GSDME: variants seen among roughly 807,000 people sequenced by gnomAD.
The protein encoded by GSDME is gasdermin E.
A neutral mutation model predicts 47.5 loss-of-function variants in GSDME; 44 were observed. The observed-to-expected ratio is 0.93, with a 90% CI of 0.73 to 1.19. The LOEUF is 1.19. Ranked by LOEUF, GSDME falls within the 50% of genes most tolerant of loss-of-function variation. GSDME has a pLI of 0.00. For missense variants in GSDME, 663 were observed against 604.2 expected (o/e 1.10, Z -1.02); for synonymous variants, 258 against 252.8 (o/e 1.02, Z -0.20).
chr7:24,709,664 C>T (rs904305017), intron 6 of GSDME, among the ~76,000 whole-genome samples: 2 of 152,120 alleles, frequency 1.3e-5, no homozygotes, highest in Admixed American at 1.3e-4. Flanking sequence ...CAAAAGAAAC[C>T]AGCTTTCTAA....
At chr7:24,775,322 T>C in the GSDME span, among the ~76,000 whole-genome samples, 1 of 152,262 alleles carries the variant, frequency 6.6e-6, no homozygotes, top group African/African-American at 2.4e-5. Context: ...TGCTAGTTAA[T>C]TTTTTGATAT....
At chr7:24,718,312 C>T (rs1789646369) in intron 4 of GSDME, among the ~76,000 whole-genome samples, 1 of 152,242 alleles carries the variant, frequency 6.6e-6, no homozygotes, top group South Asian at 2.1e-4. Flanking sequence ...TATCAGCCAC[C>T]ATGGCAAGCT....
chr7:24,752,958 T>TA (rs1194268447), intron 1 of GSDME, among the ~76,000 whole-genome samples: 7 of 150,726 alleles, frequency 4.6e-5, no homozygotes, highest in Non-Finnish European at 1.0e-4. Context: ...GATTAGACGG[T>TA]AAAAAAGAGG....
intron 5 of GSDME, 158 bp downstream of exon 5, chr7:24,717,096 C>G: frequency 1.2e-6 from 1 of 827,970 alleles, no homozygotes; most frequent in Admixed American, 2.1e-5. Flanking sequence ...CCCATGTGTC[C>G]AGGGACCATG....
At chr7:24,777,516 T>A in the GSDME span, among the ~76,000 whole-genome samples, 1 of 152,218 alleles carries the variant, frequency 6.6e-6, no homozygotes, top group African/African-American at 2.4e-5. Context: ...TGGCACATTT[T>A]GGAGCCAACC....
At chr7:24,709,001 A>G (rs999619028) in intron 6 of GSDME, among the ~76,000 whole-genome samples, 3 of 152,346 alleles carry the variant, frequency 2.0e-5, no homozygotes, top group South Asian at 2.1e-4. Context: ...AAGGTTTCGT[A>G]TGCAGGGATG....
the GSDME span, among the ~76,000 whole-genome samples, chr7:24,788,144 T>C: frequency 6.6e-6 from 1 of 152,208 alleles, no homozygotes; most frequent in Non-Finnish European, 1.5e-5. This position sits in a 1 kb window ranked among gnomAD's most constrained non-coding sequence, Gnocchi z 4.6. Flanking sequence ...CACTCAGACA[T>C]GAACTATTCT....
Position 24,699,146 on chromosome 7 carries a change from A to G in GSDME, c.1371T>C (p.Ile457=). The G allele has an allele frequency of 6.2e-7, 1 of 1,613,986 alleles. No individual in the cohort carries two copies. Among genetic ancestry groups the G allele is most frequent in the South Asian group, 1.1e-5 (1 of 91,074 alleles). Residue 457 remains isoleucine (I), a synonymous_variant, in exon 10 of 10, where the codon ATT becomes ATC. Transcript: ENST00000645220. ...CAGATGACTTCAGTCTCTCCAGACT[A>G]ATGTCAGCTGAGGCAAACAAGCGCT... ...IVQRLFASAD[I]SLERLKSSVK...
At chr7:24,715,736 T>C (rs1789528032) in intron 5 of GSDME, among the ~76,000 whole-genome samples, 1 of 152,100 alleles carries the variant, frequency 6.6e-6, no homozygotes, top group African/African-American at 2.4e-5. Flanking sequence ...GGACACAAAT[T>C]TGGAACTACG....
At chr7:24,792,287 T>A in the GSDME span, among the ~76,000 whole-genome samples, 1 of 152,210 alleles carries the variant, frequency 6.6e-6, no homozygotes, top group African/African-American at 2.4e-5. Flanking sequence ...GGGCAGTCCA[T>A]CCTTGCTCTT....
chr7:24,730,636 G>C (rs940798505), intron 3 of GSDME, among the ~76,000 whole-genome samples: 4 of 152,058 alleles, frequency 2.6e-5, no homozygotes, highest in African/African-American at 9.7e-5. Flanking sequence ...CCAATATGGT[G>C]AAACCCCGTC....
intron 3 of GSDME, among the ~76,000 whole-genome samples, chr7:24,743,788 A>G (rs1186595561): frequency 6.6e-6 from 1 of 151,800 alleles, no homozygotes; most frequent in Non-Finnish European, 1.5e-5. Flanking sequence ...TCTCCATAAC[A>G]CCTTCTCTGG....
At chr7:24,769,401 C>T in the GSDME span, among the ~76,000 whole-genome samples, 2 of 152,270 alleles carry the variant, frequency 1.3e-5, no homozygotes, top group African/African-American at 4.8e-5. Context: ...CAGCGGGAGG[C>T]GGGGAACGTA....
intron 9 of GSDME, 162 bp downstream of exon 9, chr7:24,702,598 G>A (rs1209962494): frequency 4.2e-5 from 27 of 640,726 alleles, no homozygotes; most frequent in Non-Finnish European, 1.2e-5. Context: ...CCCATGGGGT[G>A]GGATGTGTAT....
rs965485048 is a variant in GSDME at position 24,724,953 on chromosome 7, C to T, written c.405-5735G>A. Among the ~76,000 whole-genome samples the T allele has an allele frequency of 6.6e-6, 1 of 152,154 alleles. No individual in the cohort carries two copies. Among genetic ancestry groups the T allele is most frequent in the Non-Finnish European group, 1.5e-5 (1 of 68,022 alleles). Reference sequence around the variant, plus strand: ...TTCCCCCTCACTCTCTCTTGTTCCTCTTTCTTGCTCCTGTTCTTGCCATGT... The same window carrying T: ...TTCCCCCTCACTCTCTCTTGTTCCTTTTTCTTGCTCCTGTTCTTGCCATGT... On this transcript the variant is annotated intron_variant, in intron 3 of 9. Coordinates refer to ENST00000645220, the MANE Select transcript of GSDME (RefSeq NM_001127453.2). This position sits in a 1 kb window ranked among gnomAD's most constrained non-coding sequence, Gnocchi z 4.8.
At chr7:24,711,121 G>C (rs1789336060) in intron 5 of GSDME, among the ~76,000 whole-genome samples, 1 of 152,206 alleles carries the variant, frequency 6.6e-6, no homozygotes, top group Non-Finnish European at 1.5e-5. Context: ...AACATGAATT[G>C]CCCTAGTCAC....
the GSDME span, among the ~76,000 whole-genome samples, chr7:24,786,029 G>C: frequency 5.3e-5 from 8 of 152,236 alleles, no homozygotes; most frequent in Admixed American, 4.6e-4. This position sits in a 1 kb window ranked among gnomAD's most constrained non-coding sequence, Gnocchi z 5.5. Context: ...GCAGGGCTGT[G>C]TCTGGCACAT....
intron 3 of GSDME, among the ~76,000 whole-genome samples, chr7:24,723,809 T>C (rs1469817753): frequency 6.6e-6 from 1 of 152,244 alleles, no homozygotes; most frequent in Non-Finnish European, 1.5e-5. Flanking sequence ...TTCATTTCTA[T>C]ATGTAAATAT....
At chr7:24,789,696 T>C in the GSDME span, among the ~76,000 whole-genome samples, 2 of 152,226 alleles carry the variant, frequency 1.3e-5, no homozygotes, top group Non-Finnish European at 2.9e-5. Flanking sequence ...CTTCTTTCTT[T>C]GGAGGCAGAA....
Sources: gnomAD v4.1 joint callset for allele counts (sites outside exome capture counted in the v4.1 genomes callset) on GRCh38, gnomAD v4.1.1 for gene constraint, Gnocchi (gnomAD v3.1) non-coding constraint, MANE v1.5 for transcripts, NCBI Gene and HGNC (gene_info 2026-07-23, HGNC 2026-07-21) for gene names.